SLC25A48: variants seen among roughly 807,000 people sequenced by gnomAD.
The protein encoded by SLC25A48 is solute carrier family 25 member 48, also known as CTC-321K16.1.
Under a neutral mutation model 32.2 loss-of-function variants are expected in SLC25A48, and 29 were observed. The observed-to-expected ratio is 0.90, with a 90% CI of 0.67 to 1.23. The LOEUF (loss-of-function observed/expected upper bound fraction) is 1.23. SLC25A48 is among the 50% of genes most tolerant of loss of function. The pLI is 0.00. For missense variants in SLC25A48, 399 were observed against 422.7 expected (o/e 0.94, Z 0.49); for synonymous variants, 164 against 172.3 (o/e 0.95, Z 0.38).
chr5:135,779,644 A>G (rs1309769361), intron 3 of SLC25A48, among the ~76,000 whole-genome samples: 1 of 117,544 alleles, frequency 8.5e-6, no homozygotes, highest in Non-Finnish European at 2.1e-5. Flanking sequence ...GGAGAGGATG[A>G]TATTACTCCC....
chr5:135,809,209 G>C (rs1757539596), intron 3 of SLC25A48, among the ~76,000 whole-genome samples: 2 of 152,070 alleles, frequency 1.3e-5, no homozygotes, highest in African/African-American at 4.8e-5. Context: ...TGAGGCAGGA[G>C]GATCACTTGA....
intron 2 of SLC25A48, among the ~76,000 whole-genome samples, chr5:135,846,501 C>T (rs1448068125): frequency 6.6e-6 from 1 of 152,194 alleles, no homozygotes; most frequent in Non-Finnish European, 1.5e-5. Context: ...AGGGGCAGGC[C>T]AGGCAGTGGC....
intron 4 of SLC25A48, among the ~76,000 whole-genome samples, chr5:135,859,794 A>G (rs1168043322): frequency 6.6e-6 from 1 of 152,182 alleles, no homozygotes; most frequent in Non-Finnish European, 1.5e-5. Context: ...AGTTGGTGCC[A>G]CTGGTGTCAG....
At chr5:135,882,448 G>T (rs887229880) in intron 7 of SLC25A48, among the ~76,000 whole-genome samples, 25 of 152,150 alleles carry the variant, frequency 1.6e-4, no homozygotes, top group African/African-American at 5.6e-4. Flanking sequence ...TAGAGATCTA[G>T]GGTGCCAAGC....
chr5:135,838,963 G>C (rs756529733), intron 1 of SLC25A48, among the ~76,000 whole-genome samples: 24 of 152,312 alleles, frequency 1.6e-4, no homozygotes, highest in Admixed American at 2.6e-4. Context: ...TGTGAGAAGA[G>C]AGCCACCATC....
At chr5:135,887,303 C>T (rs1208727653) in intron 7 of SLC25A48, among the ~76,000 whole-genome samples, 3 of 152,120 alleles carry the variant, frequency 2.0e-5, no homozygotes, top group African/African-American at 7.2e-5. Flanking sequence ...TGGGTTATCA[C>T]TTGCATTATA....
chr5:135,658,600 C>G (rs801547), intron 3 of SLC25A48, among the ~76,000 whole-genome samples: 51,002 of 152,024 alleles, frequency 0.34, 8,919 homozygotes, highest in East Asian at 0.63. Flanking sequence ...TGTCTGTGGG[C>G]GCTCCAACCC....
At chr5:135,699,082 A>G (rs1364782116) in intron 3 of SLC25A48, among the ~76,000 whole-genome samples, 1 of 152,238 alleles carries the variant, frequency 6.6e-6, no homozygotes, top group Non-Finnish European at 1.5e-5. Flanking sequence ...CTCTCATACA[A>G]TACTGGTAAG....
intron 3 of SLC25A48, among the ~76,000 whole-genome samples, chr5:135,703,883 C>T (rs1454654174): frequency 6.6e-6 from 1 of 152,212 alleles, no homozygotes; most frequent in African/African-American, 2.4e-5. Context: ...GCGTACTGTG[C>T]CCTTAAGATC....
At chr5:135,593,921 G>GC (rs759631300) in intron 1 of SLC25A48, among the ~76,000 whole-genome samples, 1 of 152,208 alleles carries the variant, frequency 6.6e-6, no homozygotes, top group African/African-American at 2.4e-5. Flanking sequence ...TCTGGGACCA[G>GC]CCCCCCTGGT....
chr5:135,832,618 G>C (rs1353757927), upstream of SLC25A48, among the ~76,000 whole-genome samples: 1 of 152,180 alleles, frequency 6.6e-6, no homozygotes, highest in Admixed American at 6.5e-5. Context: ...CCACCTCTGT[G>C]TAGCATCTCA....
At chr5:135,633,305 C>T (rs1351792629) in intron 2 of SLC25A48, among the ~76,000 whole-genome samples, 1 of 79,170 alleles carries the variant, frequency 1.3e-5, no homozygotes, top group African/African-American at 3.8e-5. Flanking sequence ...GTCCCCCTGC[C>T]CCACTCATAT....
chr5:135,740,442 GC>G (rs1755474944), intron 3 of SLC25A48, among the ~76,000 whole-genome samples: 2 of 152,244 alleles, frequency 1.3e-5, no homozygotes, highest in East Asian at 3.9e-4. Context: ...TGATCCACCT[GC>G]CTTGGGCGGG....
At chr5:135,728,208 A>G (rs1011472062) in intron 3 of SLC25A48, among the ~76,000 whole-genome samples, 3 of 151,310 alleles carry the variant, frequency 2.0e-5, no homozygotes, top group African/African-American at 7.3e-5. Context: ...GTGGGCTGAG[A>G]TCGCGCCACT....
Position 135,724,652 on chromosome 5 carries a change from A to G in SLC25A48, c.-520-87871A>G, listed in dbSNP as rs117929925. Among the ~76,000 whole-genome samples the G allele has an allele frequency of 4.9e-4, 74 of 152,360 alleles. 2 individuals are homozygous for G. The East Asian group carries it at 0.014, about 29-fold the overall frequency. ...CCCAGAGACAGGAAAAGCCTTGCCT[A>G]AGGTCACAGGGTGAGTCATTGGCCC... On this transcript the variant is annotated intron_variant, in intron 3 of 10. Transcript: ENST00000646290.
At chr5:135,872,037 C>G in intron 5 of SLC25A48, 1 of 1,254,062 alleles carries the variant, frequency 8.0e-7, no homozygotes, top group Non-Finnish European at 1.0e-6. Flanking sequence ...TAAATGCAAT[C>G]TTTGTAATGT....
intron 3 of SLC25A48, among the ~76,000 whole-genome samples, chr5:135,713,612 C>T (rs1754721819): frequency 6.6e-6 from 1 of 152,324 alleles, no homozygotes; most frequent in Middle Eastern, 3.4e-3. Context: ...TACCGATGCT[C>T]CAACCTCAGG....
intron 3 of SLC25A48, among the ~76,000 whole-genome samples, chr5:135,709,877 C>T (rs1166418802): frequency 6.6e-6 from 1 of 152,206 alleles, no homozygotes; most frequent in Non-Finnish European, 1.5e-5. Flanking sequence ...CTCAACTGCA[C>T]ATCTGTTCCC....
intron 4 of SLC25A48, among the ~76,000 whole-genome samples, chr5:135,820,875 CAGAGT>C (rs1757866144): frequency 6.6e-6 from 1 of 152,134 alleles, no homozygotes; most frequent in African/African-American, 2.4e-5. Context: ...TCTGAGGGCA[CAGAGT>C]AGAGAGATGT....
Sources: allele counts gnomAD v4.1 joint callset (sites outside exome capture counted in the v4.1 genomes callset), GRCh38; gene constraint gnomAD v4.1.1; transcripts MANE v1.5; gene names NCBI Gene and HGNC (gene_info 2026-07-23, HGNC 2026-07-21).